The following SORCS3 variants were observed in gnomAD, a reference collection of about 807,000 sequenced individuals.
The protein encoded by SORCS3 is sortilin related VPS10 domain containing receptor 3, also known as VPS10 domain-containing receptor SorCS3.
Under a neutral mutation model 146.3 loss-of-function variants are expected in SORCS3, and 57 were observed. The observed-to-expected ratio is 0.39, with a 90% CI of 0.31 to 0.49. SORCS3 has a LOEUF of 0.49. Ranked by LOEUF, SORCS3 falls within the 20% of genes least tolerant of loss-of-function variation. The pLI is 0.92. For missense variants in SORCS3, 1,341 were observed against 1,575.5 expected (o/e 0.85, Z 2.52); for synonymous variants, 653 against 618.5 (o/e 1.06, Z -0.83).
intron 1 of SORCS3, among the ~76,000 whole-genome samples, chr10:104,651,254 G>A (rs940940717): frequency 6.6e-6 from 1 of 152,110 alleles, no homozygotes; most frequent in Non-Finnish European, 1.5e-5. Flanking sequence ...ACTCTAAAGC[G>A]TCTTTTCTGT....
At chr10:104,974,496 T>A (rs1444571504) in intron 3 of SORCS3, among the ~76,000 whole-genome samples, 1 of 152,196 alleles carries the variant, frequency 6.6e-6, no homozygotes, top group African/African-American at 2.4e-5. Flanking sequence ...AAGTCTGTTT[T>A]ATCAGAGACT....
intron 3 of SORCS3, among the ~76,000 whole-genome samples, chr10:104,965,427 T>C (rs977483527): frequency 2.6e-5 from 4 of 152,208 alleles, no homozygotes; most frequent in Non-Finnish European, 5.9e-5. Context: ...CACTTTTGGG[T>C]ATTACCCAGA....
At chr10:104,846,314 AT>A (rs559706361) in intron 2 of SORCS3, among the ~76,000 whole-genome samples, 8 of 152,144 alleles carry the variant, frequency 5.3e-5, no homozygotes, top group Non-Finnish European at 1.2e-4. Context: ...TCCTGTACTG[AT>A]AATGATGTAT....
intron 5 of SORCS3, among the ~76,000 whole-genome samples, chr10:105,075,882 C>T (rs2055585691): frequency 6.6e-6 from 1 of 152,306 alleles, no homozygotes; most frequent in East Asian, 1.9e-4. Context: ...TTAGTCAAAA[C>T]TACACAGCTG....
intron 1 of SORCS3, among the ~76,000 whole-genome samples, chr10:104,791,164 G>C (rs1261756225): frequency 6.6e-6 from 1 of 152,170 alleles, no homozygotes; most frequent in African/African-American, 2.4e-5. Flanking sequence ...CAAGGCCAGT[G>C]GGGGTGTGTA....
At chr10:105,209,729 G>A (rs2056623119) in intron 16 of SORCS3, among the ~76,000 whole-genome samples, 1 of 152,128 alleles carries the variant, frequency 6.6e-6, no homozygotes. Flanking sequence ...AAGCCTGAGG[G>A]ATTACATATA....
chr10:104,696,078 CATATACACATATATAATATATCAT>C (rs1564660857), intron 1 of SORCS3, among the ~76,000 whole-genome samples: 8 of 17,592 alleles, frequency 4.5e-4, no homozygotes, highest in Non-Finnish European at 1.0e-3. Flanking sequence ...TAATATATAT[CATATACACATATATAATATATCAT>C]ATACACATAT....
At chr10:105,206,160 C>A (rs1036322747) in intron 16 of SORCS3, among the ~76,000 whole-genome samples, 6 of 151,910 alleles carry the variant, frequency 3.9e-5, no homozygotes, top group African/African-American at 1.5e-4. Flanking sequence ...ATAAACAAGA[C>A]AATAAACAAC....
intron 1 of SORCS3, among the ~76,000 whole-genome samples, chr10:104,832,593 T>G (rs2133538278): frequency 6.6e-6 from 1 of 152,194 alleles, no homozygotes; most frequent in Admixed American, 6.5e-5. Context: ...TGACACGTGC[T>G]CGTAATTCCA....
chr10:105,165,642 A>T (rs1217346902), intron 12 of SORCS3, among the ~76,000 whole-genome samples: 1 of 152,194 alleles, frequency 6.6e-6, no homozygotes, highest in African/African-American at 2.4e-5. Context: ...AAATAAGATC[A>T]TACCCTTCAA....
intron 22 of SORCS3, among the ~76,000 whole-genome samples, chr10:105,247,896 C>A (rs183212520): frequency 1.3e-5 from 2 of 152,136 alleles, no homozygotes; most frequent in Non-Finnish European, 2.9e-5. Flanking sequence ...GGCTTGATCC[C>A]TTTAATGCAC....
At chr10:105,259,848 T>A (rs2056950758) in intron 25 of SORCS3, among the ~76,000 whole-genome samples, 1 of 152,158 alleles carries the variant, frequency 6.6e-6, no homozygotes. Flanking sequence ...TTGGGTTTTG[T>A]TTTTTGTTTT....
At chr10:105,098,458 T>C (rs1427346279) in intron 6 of SORCS3, among the ~76,000 whole-genome samples, 1 of 152,182 alleles carries the variant, frequency 6.6e-6, no homozygotes, top group African/African-American at 2.4e-5. Context: ...AGTGACCCAG[T>C]GTGTAGATTC....
intron 1 of SORCS3, among the ~76,000 whole-genome samples, chr10:104,822,857 T>A (rs1315449755): frequency 6.6e-6 from 1 of 152,204 alleles, no homozygotes; most frequent in East Asian, 1.9e-4. Context: ...GATTAAAATC[T>A]ACACCTACCC....
At chr10:105,091,206 TCC>T (rs1201236444) in intron 6 of SORCS3, among the ~76,000 whole-genome samples, 5 of 121,674 alleles carry the variant, frequency 4.1e-5, no homozygotes, top group Non-Finnish European at 8.7e-5. Flanking sequence ...CTTCCTTCCC[TCC>T]TTCCTTCCTT....
chr10:105,009,117 T>C (rs1220316427), intron 4 of SORCS3, among the ~76,000 whole-genome samples: 2 of 152,156 alleles, frequency 1.3e-5, no homozygotes, highest in African/African-American at 4.8e-5. Flanking sequence ...TATCCTTTTT[T>C]ATATCATAAT....
At chr10:105,203,054 C>T (rs1238436484) in intron 16 of SORCS3, among the ~76,000 whole-genome samples, 1 of 152,130 alleles carries the variant, frequency 6.6e-6, no homozygotes, top group Non-Finnish European at 1.5e-5. Context: ...TCATTTCATC[C>T]AGCTGGTTTT....
chr10:105,047,716 G>A (rs1284342526), intron 5 of SORCS3, among the ~76,000 whole-genome samples: 1 of 152,102 alleles, frequency 6.6e-6, no homozygotes, highest in African/African-American at 2.4e-5. Flanking sequence ...GTGTGTAAAG[G>A]TAGGTAGGTT....
intron 2 of SORCS3, among the ~76,000 whole-genome samples, chr10:104,861,238 G>T (rs1296784971): frequency 6.6e-6 from 1 of 152,086 alleles, no homozygotes; most frequent in Non-Finnish European, 1.5e-5. Flanking sequence ...CACACCCTTG[G>T]GAGTCTCTGT....
Sources: gnomAD v4.1 joint callset for allele counts (sites outside exome capture counted in the v4.1 genomes callset) on GRCh38, gnomAD v4.1.1 for gene constraint, MANE v1.5 for transcripts, NCBI Gene and HGNC (gene_info 2026-07-23, HGNC 2026-07-21) for gene names.